The following TSHZ2 variants were observed in gnomAD, a reference collection of about 807,000 sequenced individuals.
The protein encoded by TSHZ2 is teashirt homolog 2.
TSHZ2 carries 21 observed loss-of-function variants against 74.4 expected under a neutral mutation model. That is an observed-to-expected ratio of 0.28 (90% CI 0.20 to 0.41). The LOEUF is 0.41. Ranked by LOEUF, TSHZ2 falls within the 10% of genes least tolerant of loss-of-function variation. TSHZ2 has a pLI of 1.00. For synonymous variants in TSHZ2, 540 were observed against 515.3 expected (o/e 1.05, Z -0.65); for missense variants, 1,244 against 1,293.5 (o/e 0.96, Z 0.59).
chr20:52,977,819 G>A (rs1017522677), intron 1 of TSHZ2, among the ~76,000 whole-genome samples: 4 of 152,188 alleles, frequency 2.6e-5, no homozygotes, highest in Non-Finnish European at 5.9e-5. Context: ...TGGAAACTCT[G>A]TAAGGGAGCA....
At chr20:53,272,139 G>A (rs1990853437) in intron 2 of TSHZ2, among the ~76,000 whole-genome samples, 1 of 152,022 alleles carries the variant, frequency 6.6e-6, no homozygotes, top group Admixed American at 6.5e-5. Context: ...AGCCTCCTGA[G>A]TAGCTGGGAT....
intron 2 of TSHZ2, among the ~76,000 whole-genome samples, chr20:53,474,221 T>C (rs1985921492): frequency 6.8e-6 from 1 of 147,334 alleles, no homozygotes; most frequent in Non-Finnish European, 1.5e-5. Flanking sequence ...TCACCAGAGT[T>C]GAAATGAAGG....
intron 1 of TSHZ2, among the ~76,000 whole-genome samples, chr20:53,108,481 C>T (rs1986443251): frequency 6.6e-6 from 1 of 152,192 alleles, no homozygotes; most frequent in South Asian, 2.1e-4. Context: ...ACGTGTTACC[C>T]TCAACACAAA....
chr20:52,996,254 T>C (rs1170169539), intron 1 of TSHZ2, among the ~76,000 whole-genome samples: 2 of 152,136 alleles, frequency 1.3e-5, no homozygotes, highest in Non-Finnish European at 1.5e-5. Flanking sequence ...TCTAGATCAC[T>C]GTAGCATCTT....
At chr20:53,345,384 A>G (rs1980396100) in intron 2 of TSHZ2, among the ~76,000 whole-genome samples, 1 of 152,126 alleles carries the variant, frequency 6.6e-6, no homozygotes, top group Non-Finnish European at 1.5e-5. Context: ...TAGGTGGGAA[A>G]CAACGTCAGG....
At chr20:53,337,010 G>A (rs1042559928) in intron 2 of TSHZ2, among the ~76,000 whole-genome samples, 1 of 152,142 alleles carries the variant, frequency 6.6e-6, no homozygotes, top group Non-Finnish European at 1.5e-5. Flanking sequence ...ATACATACAA[G>A]TGTGTATACA....
chr20:53,458,575 T>G (rs1357150210), intron 2 of TSHZ2, among the ~76,000 whole-genome samples: 3 of 152,212 alleles, frequency 2.0e-5, no homozygotes, highest in Non-Finnish European at 4.4e-5. Context: ...AGTTCTGCTC[T>G]GATTTTAGTT....
chr20:53,391,122 T>TTTGTTTTGTG (rs1982235243), intron 2 of TSHZ2, among the ~76,000 whole-genome samples: 1 of 144,666 alleles, frequency 6.9e-6, no homozygotes, highest in African/African-American at 2.8e-5. Flanking sequence ...ACACTTTTGT[T>TTTGTTTTGTG]TTGTTTTGTT....
intron 2 of TSHZ2, among the ~76,000 whole-genome samples, chr20:53,258,901 C>T (rs776130700): frequency 6.6e-6 from 1 of 152,068 alleles, no homozygotes; most frequent in African/African-American, 2.4e-5. Context: ...AAGCCATGGG[C>T]GTGTATGTAT....
chr20:53,192,995 C>T (rs1429994128), intron 1 of TSHZ2, among the ~76,000 whole-genome samples: 2 of 152,056 alleles, frequency 1.3e-5, no homozygotes, highest in African/African-American at 4.8e-5. Flanking sequence ...AGCGGCTGTG[C>T]CAGCAGGTAA....
At chr20:53,436,250 T>G (rs1188604887) in intron 2 of TSHZ2, among the ~76,000 whole-genome samples, 1 of 152,190 alleles carries the variant, frequency 6.6e-6, no homozygotes, top group Admixed American at 6.5e-5. Context: ...ACTCTCTCTA[T>G]GGGAGATCTC....
At chr20:53,142,880 G>A (rs1987441070) in intron 1 of TSHZ2, among the ~76,000 whole-genome samples, 1 of 151,758 alleles carries the variant, frequency 6.6e-6, no homozygotes, top group Non-Finnish European at 1.5e-5. Flanking sequence ...TTGCATGTAA[G>A]ACGATAATGA....
intron 1 of TSHZ2, among the ~76,000 whole-genome samples, chr20:53,247,374 C>T (rs921040285): frequency 2.0e-5 from 3 of 152,174 alleles, no homozygotes; most frequent in African/African-American, 7.2e-5. Flanking sequence ...GCTCTCTAGA[C>T]TTCCTCTCTC....
At chr20:53,112,465 T>G (rs1218391157) in intron 1 of TSHZ2, among the ~76,000 whole-genome samples, 1 of 152,184 alleles carries the variant, frequency 6.6e-6, no homozygotes, top group African/African-American at 2.4e-5. Context: ...TATCCTTCCT[T>G]CCAATTACTC....
At position 53,380,163 on chromosome 20, in the gene TSHZ2, T is replaced by C. The variant is rs74641089; in HGVS notation, c.*9-106981T>C. On this transcript the variant is annotated intron_variant, in intron 2 of 2. Transcript: ENST00000371497. Reference sequence around the variant, plus strand: ...GAGTGTGTGTGTGTGTGTGTGTGTGTGCACACGCATGTGTGTTATAAAAGG... The same window carrying C: ...GAGTGTGTGTGTGTGTGTGTGTGTGCGCACACGCATGTGTGTTATAAAAGG... Among the ~76,000 whole-genome samples, 287 of 151,048 alleles carry C rather than the reference T, an allele frequency of 1.9e-3. 1 individual carries two copies. The highest frequency in any genetic ancestry group is 3.4e-3 in the Middle Eastern group (1 of 294).
intron 1 of TSHZ2, among the ~76,000 whole-genome samples, chr20:53,215,485 T>TGGTCTACAGTC: frequency 6.6e-6 from 1 of 151,116 alleles, no homozygotes; most frequent in African/African-American, 2.4e-5. Context: ...CCTTCAGCTA[T>TGGTCTACAGTC]GGTCTACAGT....
At chr20:52,975,663 G>A (rs867590283) in intron 1 of TSHZ2, among the ~76,000 whole-genome samples, 2 of 152,030 alleles carry the variant, frequency 1.3e-5, no homozygotes, top group Admixed American at 1.3e-4. Context: ...AGCTGAAAAA[G>A]GATGATTCAT....
At chr20:53,484,382 CTTTTTTTTTT>C (rs10610067) in intron 2 of TSHZ2, among the ~76,000 whole-genome samples, 12,419 of 98,868 alleles carry the variant, frequency 0.13, 582 homozygotes, top group East Asian at 0.27. Context: ...TTATCTCTCT[CTTTTTTTTTT>C]TTTTTTTTTT....
chr20:53,458,060 G>C (rs1985181571), intron 2 of TSHZ2, among the ~76,000 whole-genome samples: 1 of 152,104 alleles, frequency 6.6e-6, no homozygotes, highest in African/African-American at 2.4e-5. Context: ...GTATCAGAAT[G>C]ATGCTGGCCT....
Sources: gnomAD v4.1 joint callset for allele counts (sites outside exome capture counted in the v4.1 genomes callset) on GRCh38, gnomAD v4.1.1 for gene constraint, MANE v1.5 for transcripts, NCBI Gene and HGNC (gene_info 2026-07-23, HGNC 2026-07-21) for gene names.